Variants in NKAIN3 observed in about 807,000 individuals in gnomAD.
NKAIN3 encodes the protein sodium/potassium transporting ATPase interacting 3.
In NKAIN3, 25 loss-of-function variants were observed where a neutral mutation model predicts 30.2. The observed-to-expected ratio is 0.83, with a 90% CI of 0.60 to 1.16. The LOEUF (loss-of-function observed/expected upper bound fraction) is 1.16, where lower values mean the gene tolerates loss of function less well. NKAIN3 is among the 50% of genes most tolerant of loss of function. NKAIN3 has a pLI of 0.00. For synonymous variants in NKAIN3, 91 were observed against 89.6 expected (o/e 1.02, Z -0.09); for missense variants, 225 against 254.1 (o/e 0.89, Z 0.78).
In NKAIN3 at chr8:62,579,588, C is replaced by A. The variant is rs746522619; in HGVS notation, c.104C>A (p.Ala35Glu). Reference protein sequence around the residue: ...QIFDFLGFQWAPILGNFLHII... With the variant: ...QIFDFLGFQWEPILGNFLHII... Reference sequence around the variant, plus strand: ...TTTGACTTCCTTGGTTTCCAGTGGGCGCCTATTCTTGGAAATTTTCTACAC... The same window carrying A: ...TTTGACTTCCTTGGTTTCCAGTGGGAGCCTATTCTTGGAAATTTTCTACAC... The change falls in exon 2 of 7, where the codon GCG becomes GAG. Residue 35 changes from alanine to glutamate, a missense_variant. Transcript: ENST00000623646. 4 of 1,609,938 alleles carry A rather than the reference C, an allele frequency of 2.5e-6. No homozygotes were observed. The South Asian group carries it at 3.3e-5, about 13-fold the overall frequency.
intron 5 of NKAIN3, chr8:62,990,403 T>A (rs1195013830): frequency 8.4e-7 from 1 of 1,197,490 alleles, no homozygotes; most frequent in Non-Finnish European, 1.0e-6. Flanking sequence ...GCATAGGTTT[T>A]TTTTTAACCA....
chr8:62,689,482 C>G (rs1408780027), intron 3 of NKAIN3, among the ~76,000 whole-genome samples: 1 of 152,120 alleles, frequency 6.6e-6, no homozygotes, highest in Non-Finnish European at 1.5e-5. Context: ...GAATTGACCC[C>G]ATCAGAAGCT....
chr8:62,598,376 C>A (rs933217264), intron 3 of NKAIN3, among the ~76,000 whole-genome samples: 4 of 151,968 alleles, frequency 2.6e-5, no homozygotes, highest in Non-Finnish European at 5.9e-5. Flanking sequence ...GCCAGAGTGA[C>A]TCCATGTTGA....
rs535311931 is a variant in NKAIN3, at chr8:62,249,031, G to C, written c.-43G>C. Reference sequence around the variant, plus strand: ...TCAGGAGGCAGCAGCGGCGGAGGACGAGGATCTCTGGCAGTCAGCGCCGCT... The same window carrying C: ...TCAGGAGGCAGCAGCGGCGGAGGACCAGGATCTCTGGCAGTCAGCGCCGCT... On this transcript the variant is annotated 5_prime_UTR_variant, in exon 1 of 7. Coordinates refer to ENST00000623646, the MANE Select transcript of NKAIN3 (RefSeq NM_001304533.3). The C allele has an allele frequency of 1.3e-6, 2 of 1,516,954 alleles. No homozygotes were observed. The highest frequency in any genetic ancestry group is 1.4e-5 in the African/African-American group (1 of 70,542). The allele number at this position is 1,516,954 out of a possible 1,614,324, so 94.0% of individuals were successfully genotyped here.
Position 62,821,612 on chromosome 8 carries a change from T to C in NKAIN3, c.471+74483T>C, listed in dbSNP as rs563312904. On this transcript the variant is annotated intron_variant, in intron 4 of 6. Coordinates refer to ENST00000623646, the MANE Select transcript of NKAIN3 (RefSeq NM_001304533.3). ...ATTATTTTAAAAGTGTTCATCAATTTCTAAATCATATACTGAAAGTAGAAG... is the reference window on the plus strand; with the variant it reads ...ATTATTTTAAAAGTGTTCATCAATTCCTAAATCATATACTGAAAGTAGAAG... Among the ~76,000 whole-genome samples, 10 of 152,244 alleles carry C rather than the reference T, an allele frequency of 6.6e-5. No individual in the cohort carries two copies. The East Asian group carries it at 1.7e-3, about 27-fold the overall frequency.
chr8:62,547,713 C>G (rs1809063147), intron 1 of NKAIN3, among the ~76,000 whole-genome samples: 1 of 152,140 alleles, frequency 6.6e-6, no homozygotes, highest in Non-Finnish European at 1.5e-5. Context: ...ATTTAGATAT[C>G]AAGTGTTGGG....
At chr8:62,705,251 A>AT (rs1366257255) in intron 3 of NKAIN3, among the ~76,000 whole-genome samples, 1 of 152,180 alleles carries the variant, frequency 6.6e-6, no homozygotes, top group Non-Finnish European at 1.5e-5. Context: ...CTACTTTATC[A>AT]TTTTTCAACT....
intron 4 of NKAIN3, among the ~76,000 whole-genome samples, chr8:62,765,486 G>A (rs1816810148): frequency 6.6e-6 from 1 of 152,072 alleles, no homozygotes; most frequent in African/African-American, 2.4e-5. Flanking sequence ...AATCTAGAAA[G>A]GTGCTCTTTC....
intron 1 of NKAIN3, among the ~76,000 whole-genome samples, chr8:62,425,201 A>G (rs1432006714): frequency 1.3e-5 from 2 of 151,826 alleles, no homozygotes; most frequent in Non-Finnish European, 2.9e-5. Context: ...TTAGAGATCT[A>G]TTGTTCAACA....
At chr8:62,752,456 G>A (rs537636444) in intron 4 of NKAIN3, among the ~76,000 whole-genome samples, 4 of 152,220 alleles carry the variant, frequency 2.6e-5, no homozygotes, top group Non-Finnish European at 5.9e-5. Context: ...CATAGGACAC[G>A]GCAATCATAA....
intron 4 of NKAIN3, among the ~76,000 whole-genome samples, chr8:62,748,903 C>G (rs1816174733): frequency 6.6e-6 from 1 of 152,048 alleles, no homozygotes; most frequent in South Asian, 2.1e-4. Context: ...TTCTTATTCT[C>G]TGATCCTTTG....
chr8:62,762,326 A>T (rs1192282052), intron 4 of NKAIN3, among the ~76,000 whole-genome samples: 1 of 151,904 alleles, frequency 6.6e-6, no homozygotes, highest in Non-Finnish European at 1.5e-5. Flanking sequence ...CAAAAAAAAA[A>T]AACAAAAAAC....
At chr8:62,832,408 A>G (rs1271682116) in intron 4 of NKAIN3, among the ~76,000 whole-genome samples, 3 of 151,846 alleles carry the variant, frequency 2.0e-5, no homozygotes, top group Admixed American at 2.0e-4. Flanking sequence ...ATCAATATTA[A>G]CCCTGAATGT....
chr8:62,493,737 C>A (rs147314130), intron 1 of NKAIN3, among the ~76,000 whole-genome samples: 52 of 152,150 alleles, frequency 3.4e-4, no homozygotes, highest in Middle Eastern at 3.4e-3. Context: ...ATGTTGAGAT[C>A]TTTTGCCTCT....
At chr8:62,355,357 A>G (rs1377307971) in intron 1 of NKAIN3, among the ~76,000 whole-genome samples, 2 of 152,184 alleles carry the variant, frequency 1.3e-5, no homozygotes, top group African/African-American at 4.8e-5. Flanking sequence ...TGCTGTTTCT[A>G]AATATCCAGG....
At chr8:62,723,452 TA>T (rs1815159241) in intron 3 of NKAIN3, among the ~76,000 whole-genome samples, 1 of 152,174 alleles carries the variant, frequency 6.6e-6, no homozygotes, top group South Asian at 2.1e-4. Flanking sequence ...TTTATAGTCT[TA>T]AAATCCTAAT....
At chr8:62,683,809 G>A (rs1018340926) in intron 3 of NKAIN3, among the ~76,000 whole-genome samples, 16 of 152,074 alleles carry the variant, frequency 1.1e-4, no homozygotes, top group Admixed American at 8.5e-4. Context: ...CCCACATATT[G>A]GCAAAAATGA....
intron 1 of NKAIN3, among the ~76,000 whole-genome samples, chr8:62,323,697 T>C (rs1222022965): frequency 1.3e-5 from 2 of 152,086 alleles, no homozygotes; most frequent in Non-Finnish European, 2.9e-5. Context: ...CCATTTAGAC[T>C]CTGAAAACTT....
intron 1 of NKAIN3, among the ~76,000 whole-genome samples, chr8:62,317,237 TTA>T (rs1814670538): frequency 6.6e-6 from 1 of 152,358 alleles, no homozygotes; most frequent in Admixed American, 6.5e-5. Flanking sequence ...ATGTTCACTC[TTA>T]TAGTAGTTTC....
Sources: gnomAD v4.1 joint callset for allele counts (sites outside exome capture counted in the v4.1 genomes callset) on GRCh38, gnomAD v4.1.1 for gene constraint, MANE v1.5 for transcripts, NCBI Gene and HGNC (gene_info 2026-07-23, HGNC 2026-07-21) for gene names.